Variants in VIPR1 observed in about 807,000 individuals in gnomAD.
The protein encoded by VIPR1 is vasoactive intestinal peptide receptor 1.
VIPR1 carries 59 observed loss-of-function variants against 58.8 expected under a neutral mutation model. The ratio of observed to expected loss-of-function variants is 1.00; its 90% confidence interval spans 0.81 to 1.25. VIPR1 has a LOEUF of 1.25. Among genes scored for constraint, VIPR1 ranks in the 50% most tolerant of loss-of-function variants. The pLI is 0.00. For synonymous variants in VIPR1, 251 were observed against 242.1 expected (o/e 1.04, Z -0.34); for missense variants, 626 against 602.7 (o/e 1.04, Z -0.40).
chr3:42,520,899 T>C (rs909390705), intron 3 of VIPR1, among the ~76,000 whole-genome samples: 3 of 152,154 alleles, frequency 2.0e-5, no homozygotes, highest in East Asian at 1.9e-4. Context: ...GTCACAGCCA[T>C]GCCATATTCC....
At chr3:42,495,470 C>A (rs1441722521) in intron 1 of VIPR1, among the ~76,000 whole-genome samples, 1 of 152,088 alleles carries the variant, frequency 6.6e-6, no homozygotes, top group Non-Finnish European at 1.5e-5. Flanking sequence ...AGTTGAGAAT[C>A]CCCTGTGTAT....
At chr3:42,495,152 C>T (rs1476263325) in intron 1 of VIPR1, among the ~76,000 whole-genome samples, 3 of 152,048 alleles carry the variant, frequency 2.0e-5, no homozygotes, top group Non-Finnish European at 4.4e-5. Context: ...GACAGAGTCT[C>T]ACTCTGTCAC....
In VIPR1 at chr3:42,523,091, C is replaced by CCG. The variant is rs972481060; in HGVS notation, c.293-2795_293-2794insGC. ...TCACTGTTGCATGCCCTGACCCCGC[C>CCG]CCCAGTGGAGTGTCCTTCCCAGCAC... On this transcript the variant is annotated intron_variant, in intron 3 of 12. Coordinates refer to ENST00000325123, the MANE Select transcript of VIPR1 (RefSeq NM_004624.4). Among the ~76,000 whole-genome samples, 155 of 151,762 alleles carry CCG rather than the reference C, an allele frequency of 1.0e-3. 1 individual carries two copies. Among genetic ancestry groups the CCG allele is most frequent in the African/African-American group, 8.7e-4 (36 of 41,214 alleles).
intron 1 of VIPR1, among the ~76,000 whole-genome samples, chr3:42,493,523 A>C (rs1699704234): frequency 6.6e-6 from 1 of 152,196 alleles, no homozygotes; most frequent in Non-Finnish European, 1.5e-5. Flanking sequence ...CTGTGGCTGC[A>C]GTGGGGGACA....
chr3:42,525,359 G>A (rs553319620), intron 3 of VIPR1, among the ~76,000 whole-genome samples: 4 of 151,820 alleles, frequency 2.6e-5, no homozygotes, highest in Admixed American at 1.3e-4. Context: ...GCCTGCACAG[G>A]TTCCCCAACC....
intron 1 of VIPR1, among the ~76,000 whole-genome samples, chr3:42,493,787 C>T (rs570381219): frequency 6.6e-6 from 1 of 152,386 alleles, no homozygotes; most frequent in Non-Finnish European, 1.5e-5. Context: ...CTGGGCGTTT[C>T]TTCAGGGTCC....
In VIPR1 at chr3:42,536,273, C is replaced by T; in HGVS notation, c.1366C>T (p.Leu456=). The T allele has an allele frequency of 3.2e-6, 5 of 1,560,494 alleles. No individual in the cohort carries two copies. Among genetic ancestry groups the T allele is most frequent in the Admixed American group, 1.8e-5 (1 of 54,380 alleles). ...CTCCAGCTTCCAAGCCGAAGTCTCCCTGGTCTGACCACCAGGATCCCAGGG... is the reference window on the plus strand; with the variant it reads ...CTCCAGCTTCCAAGCCGAAGTCTCCTTGGTCTGACCACCAGGATCCCAGGG... ...RSSSFQAEVS[L]V The change falls in exon 13 of 13, where the codon CTG becomes TTG. Residue 456 remains leucine, a synonymous_variant. Transcript: ENST00000325123.
At chr3:42,523,604 T>TAAAC (rs1701068088) in intron 3 of VIPR1, among the ~76,000 whole-genome samples, 1 of 129,824 alleles carries the variant, frequency 7.7e-6, no homozygotes, top group South Asian at 2.5e-4. Flanking sequence ...CCTCCGCCAC[T>TAAAC]ACACACACAC....
chr3:42,536,329 C>T lies in VIPR1; in HGVS notation c.*48C>T, dbSNP rs1228588012. 2 of 1,475,806 alleles carry T rather than the reference C, an allele frequency of 1.4e-6. No individual in the cohort carries two copies. The highest frequency in any genetic ancestry group is 1.8e-6 in the Non-Finnish European group (2 of 1,118,754). The allele number at this position is 1,475,806 out of a possible 1,614,324, so 91.4% of individuals were successfully genotyped here. A position where few individuals can be genotyped will look rare whatever the true frequency, so the allele number is the denominator to read the frequency against. On this transcript the variant is annotated 3_prime_UTR_variant, in exon 13 of 13. Transcript: ENST00000325123. ...AGGCGGCCCCTCCCGCCCCTTCCCA[C>T]TCACCCCGGCAGACGCCGGGGACAG...
chr3:42,490,150 C>A (rs976335605), intron 1 of VIPR1, among the ~76,000 whole-genome samples: 22 of 152,112 alleles, frequency 1.4e-4, no homozygotes, highest in Non-Finnish European at 4.4e-5. Flanking sequence ...TCCTTCCCCA[C>A]CCCAATTCCT....
upstream of VIPR1, among the ~76,000 whole-genome samples, chr3:42,499,000 G>A (rs1699818013): frequency 6.6e-6 from 1 of 152,176 alleles, no homozygotes; most frequent in Admixed American, 6.5e-5. Flanking sequence ...CTGGGGAGGT[G>A]GTGATCACTC....
At chr3:42,531,689 G>T in intron 8 of VIPR1, 114 bp from the exon 9 acceptor site, 1 of 1,544,900 alleles carries the variant, frequency 6.5e-7, no homozygotes, top group Non-Finnish European at 8.9e-7. Context: ...CAGACTCTGG[G>T]CCCGGGGTTG....
intron 1 of VIPR1, among the ~76,000 whole-genome samples, chr3:42,496,213 G>A (rs1699758225): frequency 6.6e-6 from 1 of 152,044 alleles, no homozygotes; most frequent in South Asian, 2.1e-4. Context: ...CTCCAGCCTG[G>A]GGCAAGACTC....
intron 2 of VIPR1, among the ~76,000 whole-genome samples, chr3:42,515,211 C>G (rs1277450824): frequency 1.3e-5 from 2 of 152,250 alleles, no homozygotes; most frequent in African/African-American, 4.8e-5. Flanking sequence ...GTAACCCCTT[C>G]TGGGTCCCTC....
intron 2 of VIPR1, 126 bp downstream of exon 2, chr3:42,513,980 G>A: frequency 9.3e-7 from 1 of 1,071,528 alleles, no homozygotes; most frequent in South Asian, 1.6e-5. Flanking sequence ...AGCGGCTGGG[G>A]AGCCAGATGG....
intron 8 of VIPR1, 84 bp from the exon 9 acceptor site, chr3:42,531,719 A>G (rs1701565272): frequency 6.3e-7 from 1 of 1,590,386 alleles, no homozygotes; most frequent in Non-Finnish European, 8.6e-7. Flanking sequence ...TCAGGAGCAG[A>G]GCTGGGGACA....
intron 6 of VIPR1, 99 bp downstream of exon 6, chr3:42,528,222 C>A (rs1577246506): frequency 6.8e-7 from 1 of 1,469,718 alleles, no homozygotes; most frequent in East Asian, 2.4e-5. Flanking sequence ...TCCCTCCTCC[C>A]TCTTCCCTCC....
chr3:42,536,790 T>C lies in VIPR1; in HGVS notation c.*509T>C, dbSNP rs1021617935. ...AAGCATTACCACTCAGGCATTTGAC[T>C]GAAGATGCAGCTCACTACCCTATTC... is the stretch of plus-strand genomic sequence containing the variant. On this transcript the variant is annotated 3_prime_UTR_variant, in exon 13 of 13. Coordinates refer to ENST00000325123, the MANE Select transcript of VIPR1 (RefSeq NM_004624.4). The C allele has an allele frequency of 3.3e-5, 5 of 153,536 alleles. No individual in the cohort carries two copies. The highest frequency in any genetic ancestry group is 1.2e-4 in the African/African-American group (5 of 41,652). 9.5% of individuals were successfully genotyped at this position (153,536 alleles called of 1,614,324 possible). A position where few individuals can be genotyped will look rare whatever the true frequency, so the allele number is the denominator to read the frequency against.
At chr3:42,516,266 G>T (rs9864969) in intron 2 of VIPR1, among the ~76,000 whole-genome samples, 2 of 152,138 alleles carry the variant, frequency 1.3e-5, no homozygotes, top group African/African-American at 2.4e-5. Context: ...TGGGACCTAT[G>T]GGGCCTCATT....
Sources: gnomAD v4.1 joint callset for allele counts (sites outside exome capture counted in the v4.1 genomes callset) on GRCh38, gnomAD v4.1.1 for gene constraint, MANE v1.5 for transcripts, NCBI Gene and HGNC (gene_info 2026-07-23, HGNC 2026-07-21) for gene names.